SDK1: variants seen among roughly 807,000 people sequenced by gnomAD.
SDK1 encodes the protein protein sidekick-1.
A neutral mutation model predicts 245.5 loss-of-function variants in SDK1; 157 were observed. The observed-to-expected ratio is 0.64, with a 90% confidence interval of 0.56 to 0.73. SDK1 has a LOEUF of 0.73. Among genes scored for constraint, SDK1 ranks in the 30% least tolerant of loss-of-function variants. The pLI, the probability that SDK1 is intolerant of heterozygous loss-of-function variation, is 0.00. For synonymous variants in SDK1, 1,647 were observed against 1,278.5 expected, an observed-to-expected ratio of 1.29 and a Z score of -6.15; for missense variants, 3,583 against 3,002.3, an observed-to-expected ratio of 1.19 and a Z score of -4.52.
intron 1 of SDK1, among the ~76,000 whole-genome samples, chr7:3,323,940 G>A (rs1481421389): frequency 6.6e-6 from 1 of 152,040 alleles, no homozygotes; most frequent in Admixed American, 6.5e-5. Flanking sequence ...TTGATTGCAG[G>A]GTTTCTATTA....
intron 38 of SDK1, among the ~76,000 whole-genome samples, chr7:4,211,755 G>A (rs541431170): frequency 3.9e-5 from 6 of 152,164 alleles, no homozygotes; most frequent in South Asian, 4.2e-4. Flanking sequence ...GACTACAGGC[G>A]CCCACCACCA....
chr7:3,911,906 C>T (rs746147790), intron 5 of SDK1, among the ~76,000 whole-genome samples: 1 of 152,144 alleles, frequency 6.6e-6, no homozygotes, highest in African/African-American at 2.4e-5. Flanking sequence ...ATAAAGTACT[C>T]ACCTTGCTGT....
chr7:3,583,308 A>G (rs1030767275), intron 1 of SDK1, among the ~76,000 whole-genome samples: 1 of 152,250 alleles, frequency 6.6e-6, no homozygotes, highest in Non-Finnish European at 1.5e-5. Flanking sequence ...ACAAATTTTC[A>G]GTGCATTATG....
At chr7:3,425,102 A>C (rs1369231466) in intron 1 of SDK1, among the ~76,000 whole-genome samples, 1 of 132,590 alleles carries the variant, frequency 7.5e-6, no homozygotes, top group Non-Finnish European at 1.6e-5. Flanking sequence ...CTTGAGAGTC[A>C]TACAGTTGCC....
chr7:3,676,387 G>A (rs143586158), intron 4 of SDK1, among the ~76,000 whole-genome samples: 5,249 of 148,288 alleles, frequency 0.035, 300 homozygotes, highest in African/African-American at 0.12. Context: ...GTGCAGTGGC[G>A]CAGTCTCAGC....
intron 4 of SDK1, among the ~76,000 whole-genome samples, chr7:3,676,182 T>A (rs1783888870): frequency 6.6e-6 from 1 of 151,680 alleles, no homozygotes; most frequent in South Asian, 2.1e-4. Flanking sequence ...GCCACCTGGC[T>A]AAATTTTGTA....
At chr7:4,221,475 G>A in intron 40 of SDK1, 111 bp downstream of exon 40, 1 of 1,374,942 alleles carries the variant, frequency 7.3e-7, no homozygotes, top group Non-Finnish European at 9.8e-7. Context: ...CCCCCACAAA[G>A]CTGGGACCAA....
chr7:3,360,363 G>A (rs10464327), intron 1 of SDK1, among the ~76,000 whole-genome samples: 1,598 of 152,264 alleles, frequency 0.01, 31 homozygotes, highest in African/African-American at 0.037. Flanking sequence ...TCAGACAGGT[G>A]CAAAGAATGG....
chr7:3,537,018 A>G (rs1330937209), intron 1 of SDK1, among the ~76,000 whole-genome samples: 1 of 152,210 alleles, frequency 6.6e-6, no homozygotes, highest in Non-Finnish European at 1.5e-5. Context: ...CACATATTAA[A>G]ATGCACAGAT....
chr7:3,789,686 A>G (rs1333398674), intron 4 of SDK1, among the ~76,000 whole-genome samples: 1 of 152,202 alleles, frequency 6.6e-6, no homozygotes, highest in Non-Finnish European at 1.5e-5. Context: ...CTGAAACCCC[A>G]TGAAGATGAT....
At chr7:3,819,843 C>G (rs1005803859) in intron 4 of SDK1, among the ~76,000 whole-genome samples, 2 of 152,076 alleles carry the variant, frequency 1.3e-5, no homozygotes, top group African/African-American at 4.8e-5. Flanking sequence ...TGAAAAAGCT[C>G]TGCAAAAGGT....
chr7:4,065,667 A>G (rs1024337882), intron 19 of SDK1, among the ~76,000 whole-genome samples: 3 of 143,334 alleles, frequency 2.1e-5, no homozygotes, highest in African/African-American at 5.1e-5. Flanking sequence ...AAGTCTTTTC[A>G]AAGTTTCACC....
rs189660713 is a variant in SDK1 at position 3,845,471 on chromosome 7, A to G, written c.847+23888A>G. ...CGCCACTGCACTCCAGCCTGGTGAC[A>G]GAGTGAGACTCCGTCTCAAAAAAAA... On this transcript the variant is annotated intron_variant, in intron 5 of 44. Coordinates refer to ENST00000404826, the MANE Select transcript of SDK1 (RefSeq NM_152744.4). Among the ~76,000 whole-genome samples the G allele has an allele frequency of 8.6e-3, 1,178 of 136,626 alleles. 19 individuals carry two copies. The highest frequency in any genetic ancestry group is 0.032 in the African/African-American group (1,116 of 34,934). The allele number at this position is 136,626 out of a possible 152,430, so 89.6% of individuals were successfully genotyped here.
chr7:4,251,555 G>A (rs1335865070), intron 44 of SDK1, among the ~76,000 whole-genome samples: 1 of 152,152 alleles, frequency 6.6e-6, no homozygotes, highest in Non-Finnish European at 1.5e-5. Flanking sequence ...ACTGCCCAGG[G>A]TTTTTATCGG....
chr7:4,209,244 G>C (rs1784391822), intron 37 of SDK1, among the ~76,000 whole-genome samples: 1 of 152,212 alleles, frequency 6.6e-6, no homozygotes, highest in Non-Finnish European at 1.5e-5. Context: ...CGGCCTGGCA[G>C]GTCACAGCTG....
In SDK1 at chr7:4,221,492, G is replaced by A. The variant is rs938432833; in HGVS notation, c.5827+128G>A. On this transcript the variant is annotated intron_variant, in intron 40 of 44. Coordinates refer to ENST00000404826, the MANE Select transcript of SDK1 (RefSeq NM_152744.4). Reference sequence around the variant, plus strand: ...CCCACAAAGCTGGGACCAAGAGGGCGGTTTTGGTGAAAGAAGACATCCATG... The same window carrying A: ...CCCACAAAGCTGGGACCAAGAGGGCAGTTTTGGTGAAAGAAGACATCCATG... The A allele has an allele frequency of 4.2e-5, 51 of 1,217,044 alleles. No individual in the cohort carries two copies. The East Asian group carries it at 5.2e-4, about 12-fold the overall frequency. 75.4% of individuals were successfully genotyped at this position (1,217,044 alleles called of 1,614,324 possible).
intron 1 of SDK1, among the ~76,000 whole-genome samples, chr7:3,303,298 G>C (rs1279323234): frequency 6.6e-6 from 1 of 152,156 alleles, no homozygotes; most frequent in Non-Finnish European, 1.5e-5. Context: ...AAATCACTTA[G>C]GATGACCTTT....
intron 5 of SDK1, among the ~76,000 whole-genome samples, chr7:3,944,144 A>T (rs1373762962): frequency 6.6e-6 from 1 of 152,264 alleles, no homozygotes; most frequent in Non-Finnish European, 1.5e-5. Flanking sequence ...AGGCAGCATT[A>T]TGTAAAAGAA....
Position 4,074,882 on chromosome 7 carries a change from C to G in SDK1, c.3011-2116C>G, listed in dbSNP as rs1440327178. 4.8e-3 allele frequency among the ~76,000 whole-genome samples: 389 copies of G among 80,568 alleles called. 12 individuals carry two copies. The highest frequency in any genetic ancestry group is 0.031 in the African/African-American group (342 of 11,096). The allele number at this position is 80,568 out of a possible 152,430, so 52.9% of individuals were successfully genotyped here. ...TCTCTCTCTCTCTCTCTCTCTCTCT[C>G]TCTGTATATATATATATATATATAT... is the stretch of plus-strand genomic sequence containing the variant. On this transcript the variant is annotated intron_variant, in intron 20 of 44. Coordinates refer to ENST00000404826, the MANE Select transcript of SDK1 (RefSeq NM_152744.4).
Sources: allele counts gnomAD v4.1 joint callset (sites outside exome capture counted in the v4.1 genomes callset), GRCh38; gene constraint gnomAD v4.1.1; transcripts MANE v1.5; gene names NCBI Gene and HGNC (gene_info 2026-07-23, HGNC 2026-07-21).